Variants in GRID2 observed in about 807,000 individuals in gnomAD.
GRID2 encodes glutamate receptor ionotropic, delta-2.
GRID2 carries 33 observed loss-of-function variants against 114.8 expected under a neutral mutation model. That is an observed-to-expected ratio of 0.29 (90% CI 0.22 to 0.38). GRID2 has a LOEUF of 0.38. GRID2 is among the 10% of genes least tolerant of loss of function. The pLI, the probability that GRID2 is intolerant of heterozygous loss-of-function variation, is 1.00. For synonymous variants in GRID2, 505 were observed against 449.9 expected (o/e 1.12, Z -1.55); for missense variants, 1,184 against 1,257.7 (o/e 0.94, Z 0.89).
At chr4:93,608,285 T>C (rs1240648728) in intron 13 of GRID2, among the ~76,000 whole-genome samples, 1 of 116,472 alleles carries the variant, frequency 8.6e-6, no homozygotes, top group Non-Finnish European at 1.8e-5. Context: ...AACTGAAAAT[T>C]ATTTTTTTTT....
chr4:93,070,913 T>C (rs563416161), intron 2 of GRID2, among the ~76,000 whole-genome samples: 2 of 152,226 alleles, frequency 1.3e-5, no homozygotes, highest in East Asian at 3.9e-4. Flanking sequence ...GAATTAAATG[T>C]TCTAATTTAT....
At chr4:92,364,582 G>A (rs749590394) in intron 1 of GRID2, among the ~76,000 whole-genome samples, 2 of 151,730 alleles carry the variant, frequency 1.3e-5, no homozygotes, top group Admixed American at 6.6e-5. Context: ...TTGAGGAGAG[G>A]TCTAGTATAG....
intron 8 of GRID2, among the ~76,000 whole-genome samples, chr4:93,387,214 A>G (rs1474823346): frequency 1.3e-5 from 2 of 152,200 alleles, no homozygotes; most frequent in African/African-American, 4.8e-5. Flanking sequence ...AATATAGATG[A>G]AAAGTATCTA....
intron 13 of GRID2, among the ~76,000 whole-genome samples, chr4:93,561,681 C>T (rs543103379): frequency 6.6e-6 from 1 of 152,066 alleles, no homozygotes; most frequent in Admixed American, 6.6e-5. Flanking sequence ...CTGCACTTCA[C>T]CTACTTACTC....
intron 2 of GRID2, among the ~76,000 whole-genome samples, chr4:92,821,540 T>C (rs116427167): frequency 6.6e-6 from 1 of 152,142 alleles, no homozygotes; most frequent in East Asian, 1.9e-4. Context: ...TTTCAGTTAA[T>C]ACCCTGGAGT....
In GRID2 at chr4:92,975,967, CTTTG is replaced by C. The variant is rs552148471; in HGVS notation, c.245-109025_245-109022del. 2.6e-4 allele frequency among the ~76,000 whole-genome samples: 39 copies of C among 152,088 alleles called. No homozygotes were observed. The South Asian group carries it at 7.9e-3, about 31-fold the overall frequency. On this transcript the variant is annotated intron_variant, in intron 2 of 15. Transcript: ENST00000282020. Reference sequence around the variant, plus strand: ...ACATATACATATATGATATTTGTGTCTTTGTTGTACTCATTGAACTGCATACAAG... The same window carrying C: ...ACATATACATATATGATATTTGTGTCTTGTACTCATTGAACTGCATACAAG...
chr4:92,721,538 A>G (rs903839889), intron 2 of GRID2, among the ~76,000 whole-genome samples: 16 of 152,290 alleles, frequency 1.1e-4, no homozygotes, highest in African/African-American at 3.6e-4. Flanking sequence ...TCTAGAAAGT[A>G]TCATAAGATA....
chr4:92,869,973 A>G (rs150085109), intron 2 of GRID2, among the ~76,000 whole-genome samples: 2,271 of 152,064 alleles, frequency 0.015, 24 homozygotes, highest in Non-Finnish European at 0.022. Context: ...GCAGAACTAC[A>G]TGAGGCCAGG....
chr4:92,383,225 A>C (rs1225903904), intron 1 of GRID2, among the ~76,000 whole-genome samples: 1 of 152,004 alleles, frequency 6.6e-6, no homozygotes, highest in Non-Finnish European at 1.5e-5. Context: ...ACTGAGTATT[A>C]CAATTTGACA....
At chr4:93,292,487 C>T (rs571333281) in intron 8 of GRID2, among the ~76,000 whole-genome samples, 11 of 152,228 alleles carry the variant, frequency 7.2e-5, no homozygotes, top group African/African-American at 2.4e-4. Flanking sequence ...CATAGCTATT[C>T]TTTTAGGCCC....
At chr4:93,339,059 G>C (rs1291720765) in intron 8 of GRID2, among the ~76,000 whole-genome samples, 2 of 152,182 alleles carry the variant, frequency 1.3e-5, no homozygotes, top group Non-Finnish European at 2.9e-5. Context: ...GTGAGGGTCT[G>C]AGGCCTTCTG....
At chr4:92,450,100 G>A (rs1033558047) in intron 1 of GRID2, among the ~76,000 whole-genome samples, 4 of 151,972 alleles carry the variant, frequency 2.6e-5, no homozygotes, top group African/African-American at 9.7e-5. Context: ...TTCCTTAGAA[G>A]CAAAAGTTTA....
intron 9 of GRID2, among the ~76,000 whole-genome samples, chr4:93,400,457 G>T (rs557579099): frequency 9.2e-5 from 14 of 152,146 alleles, no homozygotes; most frequent in Admixed American, 9.2e-4. Context: ...GAATTATGAA[G>T]ATTTTCCCGT....
At chr4:92,325,832 A>T (rs1359707513) in intron 1 of GRID2, among the ~76,000 whole-genome samples, 3 of 151,622 alleles carry the variant, frequency 2.0e-5, no homozygotes, top group Non-Finnish European at 4.4e-5. Context: ...AATCTCTTCA[A>T]TCTATATTGT....
At chr4:93,536,757 C>T (rs1732129619) in intron 13 of GRID2, among the ~76,000 whole-genome samples, 1 of 150,730 alleles carries the variant, frequency 6.6e-6, no homozygotes, top group Non-Finnish European at 1.5e-5. Flanking sequence ...AAAAAGAGAC[C>T]ACACAATGAT....
intron 2 of GRID2, among the ~76,000 whole-genome samples, chr4:93,022,491 A>G (rs939031335): frequency 6.6e-5 from 10 of 151,962 alleles, no homozygotes; most frequent in African/African-American, 1.2e-4. Context: ...GTTGTAATGA[A>G]TGTTTTAGAT....
At chr4:92,732,390 A>G (rs563376264) in intron 2 of GRID2, among the ~76,000 whole-genome samples, 66 of 152,200 alleles carry the variant, frequency 4.3e-4, no homozygotes, top group African/African-American at 1.5e-3. Flanking sequence ...TGTATACTAT[A>G]TGTGAACATA....
At chr4:92,793,021 T>C (rs1422913353) in intron 2 of GRID2, among the ~76,000 whole-genome samples, 1 of 151,374 alleles carries the variant, frequency 6.6e-6, no homozygotes, top group Non-Finnish European at 1.5e-5. Context: ...TCCAGAATCA[T>C]AACATTTTGC....
intron 8 of GRID2, among the ~76,000 whole-genome samples, chr4:93,312,940 A>G (rs1485672160): frequency 2.6e-5 from 4 of 152,198 alleles, no homozygotes; most frequent in Non-Finnish European, 5.9e-5. Flanking sequence ...CAAATGCTCA[A>G]ATATGGAGTT....
Sources: gnomAD v4.1 joint callset for allele counts (sites outside exome capture counted in the v4.1 genomes callset) on GRCh38, gnomAD v4.1.1 for gene constraint, MANE v1.5 for transcripts, NCBI Gene and HGNC (gene_info 2026-07-23, HGNC 2026-07-21) for gene names.